MED13L: variants seen among roughly 807,000 people sequenced by gnomAD.
MED13L encodes mediator of RNA polymerase II transcription subunit 13-like.
MED13L carries 7 observed loss-of-function variants against 220.9 expected under a neutral mutation model. That is an observed-to-expected ratio of 0.03 (90% CI 0.02 to 0.06). The LOEUF (loss-of-function observed/expected upper bound fraction) is 0.06. Among genes scored for constraint, MED13L ranks in the 10% least tolerant of loss-of-function variants. The pLI is 1.00. For missense variants in MED13L, 1,965 were observed against 2,760.5 expected, an observed-to-expected ratio of 0.71 and a Z score of 6.46; for synonymous variants, 1,011 against 1,015.2, an observed-to-expected ratio of 1.00 and a Z score of 0.08.
intron 1 of MED13L, among the ~76,000 whole-genome samples, chr12:116,250,089 T>C (rs2138514156): frequency 9.9e-6 from 1 of 101,364 alleles, no homozygotes; most frequent in Admixed American, 8.9e-5. Flanking sequence ...TAAAAACCAG[T>C]GATAAAAAGG....
chr12:116,092,764 T>C (rs1395779856), intron 4 of MED13L, among the ~76,000 whole-genome samples: 1 of 151,998 alleles, frequency 6.6e-6, no homozygotes, highest in Non-Finnish European at 1.5e-5. Context: ...TGTATGGGTA[T>C]ATGTGTGGTG....
At chr12:116,207,747 C>T (rs1882441164) in intron 2 of MED13L, among the ~76,000 whole-genome samples, 1 of 149,806 alleles carries the variant, frequency 6.7e-6, no homozygotes, top group Non-Finnish European at 1.5e-5. Flanking sequence ...TGCCAAGTAT[C>T]AGTATGAATT....
intron 4 of MED13L, among the ~76,000 whole-genome samples, chr12:116,083,404 G>GAAAA (rs61301423): frequency 2.3e-4 from 18 of 79,358 alleles, no homozygotes; most frequent in South Asian, 5.4e-4. Context: ...TGTCTCGAGG[G>GAAAA]AAAAAAAAAA....
At chr12:116,241,357 C>T (rs989536289) in intron 1 of MED13L, among the ~76,000 whole-genome samples, 3 of 149,650 alleles carry the variant, frequency 2.0e-5, no homozygotes, top group Non-Finnish European at 4.5e-5. Context: ...CACACACACA[C>T]ACACAATAAA....
At chr12:116,131,120 T>C (rs1482340844) in intron 2 of MED13L, among the ~76,000 whole-genome samples, 2 of 152,186 alleles carry the variant, frequency 1.3e-5, no homozygotes, top group Non-Finnish European at 2.9e-5. Context: ...CATTGCCAAA[T>C]GTCCTCTGGG....
At chr12:116,140,791 C>G (rs886706506) in intron 2 of MED13L, among the ~76,000 whole-genome samples, 7 of 152,176 alleles carry the variant, frequency 4.6e-5, no homozygotes, top group Non-Finnish European at 1.0e-4. Context: ...CTTGCAACAA[C>G]TGAATTTATC....
intron 16 of MED13L, 65 bp from the exon 17 acceptor site, chr12:115,992,022 G>C (rs746055884): frequency 4.7e-5 from 62 of 1,333,148 alleles, no homozygotes; most frequent in Non-Finnish European, 6.0e-5. Context: ...CTAGACACAT[G>C]ATCACCCCAG....
At chr12:116,103,846 T>C (rs188993276) in intron 3 of MED13L, among the ~76,000 whole-genome samples, 5 of 152,298 alleles carry the variant, frequency 3.3e-5, no homozygotes, top group Admixed American at 3.3e-4. Flanking sequence ...TTGGTATTTA[T>C]TGATTACTCA....
chr12:116,084,901 A>G (rs1871514574), intron 4 of MED13L, among the ~76,000 whole-genome samples: 1 of 152,156 alleles, frequency 6.6e-6, no homozygotes, highest in Non-Finnish European at 1.5e-5. Context: ...TTTTAGTGAT[A>G]AGTACCTCCT....
At chr12:115,973,384 G>A (rs1024831482) in intron 25 of MED13L, among the ~76,000 whole-genome samples, 39 of 152,212 alleles carry the variant, frequency 2.6e-4, no homozygotes, top group African/African-American at 9.4e-4. Flanking sequence ...TTAGTAAACA[G>A]ATTTCCTGTA....
chr12:116,261,209 CT>C (rs930541013), intron 1 of MED13L, among the ~76,000 whole-genome samples: 8 of 152,180 alleles, frequency 5.3e-5, no homozygotes, highest in African/African-American at 1.9e-4. Context: ...CAAATATTTT[CT>C]GTAGGCTGGG....
intron 23 of MED13L, among the ~76,000 whole-genome samples, chr12:115,977,033 C>A (rs1876986003): frequency 6.6e-6 from 1 of 152,160 alleles, no homozygotes; most frequent in Non-Finnish European, 1.5e-5. Flanking sequence ...CATGATGGTG[C>A]ATGCCTGTAG....
chr12:115,983,907 G>C (rs1005051286), intron 20 of MED13L, among the ~76,000 whole-genome samples: 1 of 152,116 alleles, frequency 6.6e-6, no homozygotes, highest in African/African-American at 2.4e-5. Flanking sequence ...TCAGAATATG[G>C]GTTAAAACTA....
At chr12:116,121,896 G>A (rs556751401) in intron 2 of MED13L, among the ~76,000 whole-genome samples, 2 of 152,184 alleles carry the variant, frequency 1.3e-5, no homozygotes, top group South Asian at 2.1e-4. Flanking sequence ...TTATTCAGCC[G>A]TTAAAATTGT....
At chr12:116,146,256 G>T (rs1877504387) in intron 2 of MED13L, among the ~76,000 whole-genome samples, 1 of 152,010 alleles carries the variant, frequency 6.6e-6, no homozygotes, top group South Asian at 2.1e-4. Flanking sequence ...CCAAGTAGCT[G>T]GGACTACAGG....
chr12:116,115,389 G>T (rs1043505914), intron 2 of MED13L, among the ~76,000 whole-genome samples: 3 of 152,006 alleles, frequency 2.0e-5, no homozygotes, highest in Non-Finnish European at 4.4e-5. Flanking sequence ...CCTAAATCTA[G>T]TATTTCTAAA....
intron 2 of MED13L, among the ~76,000 whole-genome samples, chr12:116,232,932 CA>C (rs1285278521): frequency 6.6e-6 from 1 of 151,670 alleles, no homozygotes; most frequent in African/African-American, 2.4e-5. Context: ...ACTAAAAATA[CA>C]AAAATTGGCC....
At chr12:116,015,403 C>T (rs1879667165) in intron 7 of MED13L, 129 bp from the exon 8 acceptor site, 3 of 973,240 alleles carry the variant, frequency 3.1e-6, no homozygotes, top group Non-Finnish European at 4.8e-6. Context: ...TTTCCCTATC[C>T]CCTGGCAATA....
chr12:116,277,548 G>A lies in MED13L; in HGVS notation c.-417C>T, dbSNP rs1873986017. 4.0e-5 allele frequency among the ~76,000 whole-genome samples: 6 copies of A among 149,450 alleles called. No individual in the cohort carries two copies. The South Asian group carries it at 1.3e-3, about 31-fold the overall frequency. ...CGCCGCCGCCGCGGAGCGCGAACTC[G>A]CGAAGGGGGGGGTGCGGACGAAGCC... On this transcript the variant is annotated 5_prime_UTR_variant, in exon 1 of 31. Coordinates refer to ENST00000281928, the MANE Select transcript of MED13L (RefSeq NM_015335.5).
Sources: allele counts gnomAD v4.1 joint callset (sites outside exome capture counted in the v4.1 genomes callset), GRCh38; gene constraint gnomAD v4.1.1; transcripts MANE v1.5; gene names NCBI Gene and HGNC (gene_info 2026-07-23, HGNC 2026-07-21).